Variants in MTHFD1L observed in about 807,000 individuals in gnomAD.
MTHFD1L encodes the protein monofunctional C1-tetrahydrofolate synthase, mitochondrial.
A neutral mutation model predicts 119.5 loss-of-function variants in MTHFD1L; 81 were observed. The observed-to-expected ratio is 0.68, with a 90% CI of 0.57 to 0.82. MTHFD1L has a LOEUF of 0.82. Ranked by LOEUF, MTHFD1L falls within the 40% of genes least tolerant of loss-of-function variation. The probability of loss-of-function intolerance (pLI) is 0.00; values close to 1 mark genes in which losing one functional copy is unlikely to be tolerated. For missense variants in MTHFD1L, 1,125 were observed against 1,253.4 expected (o/e 0.90, Z 1.55); for synonymous variants, 430 against 475.2 (o/e 0.90, Z 1.24).
At chr6:151,061,345 G>A (rs1790606017) in intron 26 of MTHFD1L, among the ~76,000 whole-genome samples, 2 of 152,118 alleles carry the variant, frequency 1.3e-5, no homozygotes, top group South Asian at 4.1e-4. Context: ...CTGAAATATT[G>A]TCTGCAGAAG....
chr6:150,959,321 C>CCAGACAAG, intron 17 of MTHFD1L: 1 of 482,670 alleles, frequency 2.1e-6, no homozygotes, highest in South Asian at 9.1e-5. Context: ...TCTGCGTAAG[C>CCAGACAAG]TTGAACTTGT....
chr6:151,042,073 G>A, intron 26 of MTHFD1L: 3 of 330,284 alleles, frequency 9.1e-6, no homozygotes, highest in Non-Finnish European at 1.8e-5. Flanking sequence ...TGGTGTAACA[G>A]CTTCACTAGT....
At chr6:150,954,478 A>G (rs1795316154) in intron 16 of MTHFD1L, among the ~76,000 whole-genome samples, 1 of 152,186 alleles carries the variant, frequency 6.6e-6, no homozygotes, top group Non-Finnish European at 1.5e-5. Context: ...ACATGAGGTC[A>G]GGAGTTCAAG....
At chr6:151,014,820 G>A in intron 22 of MTHFD1L, 60 bp from the exon 23 acceptor site, 1 of 1,327,724 alleles carries the variant, frequency 7.5e-7, no homozygotes, top group East Asian at 2.4e-5. Context: ...AGTTTAGCTT[G>A]GCAGGTTTGG....
At chr6:151,090,148 A>G (rs1286921902) in intron 26 of MTHFD1L, among the ~76,000 whole-genome samples, 2 of 152,128 alleles carry the variant, frequency 1.3e-5, no homozygotes, top group Non-Finnish European at 2.9e-5. Flanking sequence ...TCCCACTCTC[A>G]GTTGGCCCAG....
intron 8 of MTHFD1L, among the ~76,000 whole-genome samples, chr6:150,918,314 C>T (rs539949687): frequency 2.9e-4 from 44 of 152,244 alleles, no homozygotes; most frequent in Non-Finnish European, 5.7e-4. Context: ...CCACCTGCCT[C>T]GGCCTCCCAA....
chr6:150,957,424 G>A (rs1795805106), intron 17 of MTHFD1L, among the ~76,000 whole-genome samples: 2 of 152,164 alleles, frequency 1.3e-5, no homozygotes, highest in Admixed American at 1.3e-4. Flanking sequence ...GCGTTAGTGG[G>A]AGTAGAAATC....
At chr6:151,035,239 A>G (rs902828699) in intron 25 of MTHFD1L, among the ~76,000 whole-genome samples, 2 of 151,884 alleles carry the variant, frequency 1.3e-5, no homozygotes, top group African/African-American at 4.8e-5. Flanking sequence ...TGATCAATCA[A>G]CTCCACTACA....
chr6:151,013,420 C>A (rs2128487734), intron 21 of MTHFD1L, among the ~76,000 whole-genome samples: 1 of 152,288 alleles, frequency 6.6e-6, no homozygotes, highest in Admixed American at 6.5e-5. Flanking sequence ...CTGTATAAAT[C>A]AAGTATTAAA....
At chr6:151,043,803 G>C (rs1414388757) in intron 26 of MTHFD1L, among the ~76,000 whole-genome samples, 1 of 152,200 alleles carries the variant, frequency 6.6e-6, no homozygotes, top group African/African-American at 2.4e-5. Flanking sequence ...AGCCTGGCCG[G>C]TTTTGTAAAT....
intron 26 of MTHFD1L, among the ~76,000 whole-genome samples, chr6:151,042,964 G>A (rs1787355392): frequency 6.6e-6 from 1 of 152,214 alleles, no homozygotes; most frequent in African/African-American, 2.4e-5. Context: ...GAACACACAC[G>A]CAGCCTGTGG....
At chr6:150,874,938 C>T (rs1424825095) in intron 1 of MTHFD1L, among the ~76,000 whole-genome samples, 5 of 151,942 alleles carry the variant, frequency 3.3e-5, no homozygotes, top group Admixed American at 6.6e-5. Flanking sequence ...CTGGTAGAGA[C>T]GGGGTTTCAC....
chr6:150,994,386 G>A (rs78841701), intron 20 of MTHFD1L, among the ~76,000 whole-genome samples: 13 of 152,248 alleles, frequency 8.5e-5, no homozygotes, highest in Admixed American at 3.9e-4. Context: ...CAAGACAAGC[G>A]AAGACATTCA....
In MTHFD1L at chr6:150,960,389, G is replaced by C; in HGVS notation, c.1918G>C (p.Gly640Arg). ...GRMVVASDKS[G>R]QPVTADDLGV... ...GATGGTGGTGGCCAGTGACAAAAGC[G>C]GGCAGCCTGTGACAGCAGATGATTT... Residue 640 changes from glycine to arginine, a missense_variant, in exon 18 of 28, where the codon GGG becomes CGG. This residue lies in a region of MTHFD1L where 1,058 missense variants were observed against 1,151.2 expected (regional missense o/e 0.92). Transcript: ENST00000367321. The C allele has an allele frequency of 1.2e-5, 19 of 1,612,282 alleles. No homozygotes were observed. Among genetic ancestry groups the C allele is most frequent in the Non-Finnish European group, 1.6e-5 (19 of 1,179,142 alleles).
At chr6:150,915,939 G>T (rs1369831500) in intron 8 of MTHFD1L, among the ~76,000 whole-genome samples, 1 of 152,142 alleles carries the variant, frequency 6.6e-6, no homozygotes. Flanking sequence ...AAAGATAGAG[G>T]ATTGAGAGAG....
rs1251496705 is a variant in MTHFD1L at position 150,865,799 on chromosome 6, C to A, written c.-24C>A. Reference sequence around the variant, plus strand: ...CCTCGGCAGCCGCAGCTCCGTGTCCCCTGAGAACCAGCCGTCCCGCGCCAT... The same window carrying A: ...CCTCGGCAGCCGCAGCTCCGTGTCCACTGAGAACCAGCCGTCCCGCGCCAT... On this transcript the variant is annotated 5_prime_UTR_variant, in exon 1 of 28. Coordinates refer to ENST00000367321, the MANE Select transcript of MTHFD1L (RefSeq NM_015440.5). 1.5e-6 allele frequency: 2 copies of A among 1,293,578 alleles called. No individual in the cohort carries two copies. The highest frequency in any genetic ancestry group is 2.0e-6 in the Non-Finnish European group (2 of 1,013,612). 80.1% of individuals were successfully genotyped at this position (1,293,578 alleles called of 1,614,324 possible).
chr6:150,962,899 T>TTTTTC (rs1239285900), intron 18 of MTHFD1L, among the ~76,000 whole-genome samples: 4 of 148,062 alleles, frequency 2.7e-5, no homozygotes, highest in South Asian at 2.1e-4. Flanking sequence ...GAAGATTTCT[T>TTTTTC]TTTTCTTTTC....
At chr6:150,878,984 A>C (rs1482502776) in intron 4 of MTHFD1L, among the ~76,000 whole-genome samples, 2 of 152,172 alleles carry the variant, frequency 1.3e-5, no homozygotes, top group Non-Finnish European at 2.9e-5. Flanking sequence ...TGAAAGTCAC[A>C]GTTCTACATC....
In MTHFD1L at chr6:150,996,643, TACA is replaced by T. The variant is rs1480735288; in HGVS notation, c.2126-13175_2126-13173del. 2.6e-5 allele frequency among the ~76,000 whole-genome samples: 4 copies of T among 152,164 alleles called. No individual in the cohort carries two copies. In the East Asian group the frequency reaches 5.8e-4, roughly 22 times the overall value. On this transcript the variant is annotated intron_variant, in intron 20 of 27. Transcript: ENST00000367321. ...GCTCAGCCCTGGTTCCTGCTGAGCC[TACA>T]GCCCCAGGCCTGAGCAGCCGGCTGG...
Sources: gnomAD v4.1 joint callset for allele counts (sites outside exome capture counted in the v4.1 genomes callset) on GRCh38, gnomAD v4.1.1 for gene constraint, gnomAD v4.1.1 regional missense constraint, MANE v1.5 for transcripts, NCBI Gene and HGNC (gene_info 2026-07-23, HGNC 2026-07-21) for gene names.